ZNF678: variants seen among roughly 807,000 people sequenced by gnomAD.
ZNF678 encodes the protein zinc finger protein 678.
In ZNF678, 5 loss-of-function variants were observed where a neutral mutation model predicts 3.0. That is an observed-to-expected ratio of 1.69 (90% CI 0.88 to 3.56). The LOEUF (loss-of-function observed/expected upper bound fraction) is 3.56. Among genes scored for constraint, ZNF678 ranks in the 30% most tolerant of loss-of-function variants. The pLI is 0.00. For synonymous variants in ZNF678, 218 were observed against 199.6 expected (o/e 1.09, Z -0.78); for missense variants, 593 against 605.0 (o/e 0.98, Z 0.21).
At chr1:227,596,868 C>T (rs1657604364) in intron 1 of ZNF678, among the ~76,000 whole-genome samples, 1 of 152,022 alleles carries the variant, frequency 6.6e-6, no homozygotes, top group African/African-American at 2.4e-5. Flanking sequence ...AGCTATTTTA[C>T]TTAATAAAAA....
chr1:227,672,845 A>G lies in ZNF678; in HGVS notation c.227-4334A>G, dbSNP rs141880464. Among the ~76,000 whole-genome samples, 99 of 152,212 alleles carry G rather than the reference A, an allele frequency of 6.5e-4. 2 individuals carry two copies. The highest frequency in any genetic ancestry group is 2.0e-3 in the African/African-American group (82 of 41,514). On this transcript the variant is annotated intron_variant, in intron 5 of 5. Coordinates refer to the ZNF678 transcript ENST00000608949. Reference sequence around the variant, plus strand: ...CACCTGGGACAAAAACCCCTGCCCAAAGTCTTGTGCTGGGGTCCTAATATC... The same window carrying G: ...CACCTGGGACAAAAACCCCTGCCCAGAGTCTTGTGCTGGGGTCCTAATATC...
At chr1:227,644,623 C>T (rs1459694601) in intron 1 of ZNF678, among the ~76,000 whole-genome samples, 4 of 152,162 alleles carry the variant, frequency 2.6e-5, no homozygotes, top group Non-Finnish European at 5.9e-5. Flanking sequence ...CGAACAGGGA[C>T]TTCTTACAGA....
At chr1:227,663,137 A>G (rs577985710), downstream of ZNF678, among the ~76,000 whole-genome samples, 14 of 152,322 alleles carry the variant, frequency 9.2e-5, no homozygotes, top group African/African-American at 3.1e-4. Flanking sequence ...GGCCTCAGAA[A>G]AAACACCCCA....
chr1:227,648,631 A>G (rs1029123971), intron 2 of ZNF678, among the ~76,000 whole-genome samples: 2 of 152,200 alleles, frequency 1.3e-5, no homozygotes, highest in Non-Finnish European at 2.9e-5. Flanking sequence ...CAGCCTGGCC[A>G]ACATAATGAA....
Position 227,658,270 on chromosome 1 carries a change from T to A in ZNF678, c.*2442T>A, listed in dbSNP as rs530234503. 2 of 152,188 alleles carry A rather than the reference T, an allele frequency of 1.3e-5. No homozygotes were observed. Among genetic ancestry groups the A allele is most frequent in the East Asian group, 3.9e-4 (2 of 5,186 alleles). The allele number at this position is 152,188 out of a possible 1,614,324, so 9.4% of individuals were successfully genotyped here. On this transcript the variant is annotated 3_prime_UTR_variant, in exon 4 of 4. Coordinates refer to ENST00000343776, the MANE Select transcript of ZNF678 (RefSeq NM_001367909.1). ...GGGAAGGCTTCATAATTCACAAAGT[T>A]GTTTTGACATATAAATGAGGTGAAC...
intron 1 of ZNF678, among the ~76,000 whole-genome samples, chr1:227,593,073 C>T (rs1017089734): frequency 7.2e-4 from 109 of 152,338 alleles, no homozygotes; most frequent in African/African-American, 2.4e-3. Context: ...GGGGCTGACC[C>T]GCAGGGTGCC....
At chr1:227,641,314 G>A (rs1658814650) in intron 1 of ZNF678, among the ~76,000 whole-genome samples, 1 of 152,198 alleles carries the variant, frequency 6.6e-6, no homozygotes, top group Non-Finnish European at 1.5e-5. Context: ...ATGAGCGCCT[G>A]GATGCAGGTG....
rs115436162 is a variant in ZNF678, at chr1:227,642,586, G to A, written c.-163-3958G>A. Reference sequence around the variant, plus strand: ...GGATCCAGGGTCAGCTGCTTTACAAGGGCAGTTTAATTTACTTTCCTGGCC... The same window carrying A: ...GGATCCAGGGTCAGCTGCTTTACAAAGGCAGTTTAATTTACTTTCCTGGCC... On this transcript the variant is annotated intron_variant, in intron 1 of 3. Transcript: ENST00000343776. Among the ~76,000 whole-genome samples the A allele has an allele frequency of 3.7e-3, 566 of 152,192 alleles. 3 individuals carry two copies. The highest frequency in any genetic ancestry group is 0.013 in the African/African-American group (548 of 41,528).
chr1:227,563,641 C>G lies in ZNF678; in HGVS notation c.-247C>G. 7.7e-7 allele frequency: 1 copy of G among 1,301,968 alleles called. No individual in the cohort carries two copies. The highest frequency in any genetic ancestry group is 1.0e-6 in the Non-Finnish European group (1 of 982,886). 80.7% of individuals were successfully genotyped at this position (1,301,968 alleles called of 1,614,324 possible). On this transcript the variant is annotated 5_prime_UTR_variant, in exon 1 of 4. Transcript: ENST00000343776. ...GCGGGAGGCCCTGGTGACTCTGCTG[C>G]TGCAGTGTCTGGTTTCCCTGTGACC...
intron 1 of ZNF678, among the ~76,000 whole-genome samples, chr1:227,624,618 G>C (rs1029744054): frequency 1.3e-5 from 2 of 152,154 alleles, no homozygotes; most frequent in Non-Finnish European, 2.9e-5. Flanking sequence ...TTGGCCTCAC[G>C]GATTCCAAGG....
Position 227,656,041 on chromosome 1 carries a change from T to C in ZNF678, c.*213T>C, listed in dbSNP as rs554228035. On this transcript the variant is annotated 3_prime_UTR_variant, in exon 4 of 4. Transcript: ENST00000343776. ...TACTAGAGGAAAAACCCTTAAACAA[T>C]TATTCAGACTTTATTCAACTTTAGA... is the stretch of plus-strand genomic sequence containing the variant. 2.6e-6 allele frequency: 1 copy of C among 386,394 alleles called. No individual in the cohort carries two copies. Among genetic ancestry groups the C allele is most frequent in the South Asian group, 9.4e-5 (1 of 10,632 alleles). 23.9% of individuals were successfully genotyped at this position (386,394 alleles called of 1,614,324 possible).
At chr1:227,573,798 A>G (rs1656917478) in intron 1 of ZNF678, among the ~76,000 whole-genome samples, 1 of 139,204 alleles carries the variant, frequency 7.2e-6, no homozygotes, top group Non-Finnish European at 1.6e-5. Flanking sequence ...TTCATTAGTT[A>G]TTTTTTCTGA....
chr1:227,642,650 A>T (rs1381064732), intron 1 of ZNF678, among the ~76,000 whole-genome samples: 1 of 151,916 alleles, frequency 6.6e-6, no homozygotes, highest in Non-Finnish European at 1.5e-5. Flanking sequence ...CTGATTCATC[A>T]TGGGGATATC....
At chr1:227,584,508 G>C (rs897638905) in intron 1 of ZNF678, among the ~76,000 whole-genome samples, 9 of 152,198 alleles carry the variant, frequency 5.9e-5, no homozygotes, top group African/African-American at 2.2e-4. Flanking sequence ...ACTTTTGGCT[G>C]TCCATGTGTG....
downstream of ZNF678, chr1:227,677,517 A>T (rs1257011805): frequency 6.6e-6 from 1 of 152,330 alleles, no homozygotes; most frequent in Non-Finnish European, 1.5e-5. Flanking sequence ...CTGGAAGTTA[A>T]TATGGCTGGG....
At chr1:227,572,261 G>T (rs1289255509) in intron 1 of ZNF678, among the ~76,000 whole-genome samples, 1 of 152,264 alleles carries the variant, frequency 6.6e-6, no homozygotes, top group South Asian at 2.1e-4. Flanking sequence ...ACCATTTCTT[G>T]TTGACATGGA....
chr1:227,643,026 A>C (rs1227444313), intron 1 of ZNF678, among the ~76,000 whole-genome samples: 1 of 152,160 alleles, frequency 6.6e-6, no homozygotes, highest in Non-Finnish European at 1.5e-5. Flanking sequence ...ATTTGGAAGT[A>C]TGTGGCCTGT....
intron 2 of ZNF678, among the ~76,000 whole-genome samples, chr1:227,648,654 C>CT (rs1308630216): frequency 1.3e-5 from 2 of 151,962 alleles, no homozygotes; most frequent in East Asian, 3.9e-4. Context: ...CCCATCTGTA[C>CT]TAAAAAAAAC....
rs1232678855 is a variant in ZNF678, at chr1:227,638,763, AAG to A, written c.-163-7778_-163-7777del. Among the ~76,000 whole-genome samples, 1 of 152,062 alleles carries A rather than the reference AAG, an allele frequency of 6.6e-6. No homozygotes were observed. Among genetic ancestry groups the A allele is most frequent in the African/African-American group, 2.4e-5 (1 of 41,384 alleles). On this transcript the variant is annotated intron_variant, in intron 1 of 3. Coordinates refer to ENST00000343776, the MANE Select transcript of ZNF678 (RefSeq NM_001367909.1). The surrounding 1 kb of genome is among the most constrained non-coding windows in gnomAD (Gnocchi z 4.2). ...GTTGGGCATGAGGGCAGAACTAAGA[AAG>A]AGTGAGTGAAGGAAAAGGTTACGTG...
Sources: allele counts gnomAD v4.1 joint callset (sites outside exome capture counted in the v4.1 genomes callset), GRCh38; gene constraint gnomAD v4.1.1; non-coding constraint Gnocchi (gnomAD v3.1); transcripts MANE v1.5; gene names NCBI Gene and HGNC (gene_info 2026-07-23, HGNC 2026-07-21).